The following PLCH1 variants were observed in gnomAD, a reference collection of about 807,000 sequenced individuals.
The protein encoded by PLCH1 is 1-phosphatidylinositol 4,5-bisphosphate phosphodiesterase eta-1.
Under a neutral mutation model 126.7 loss-of-function variants are expected in PLCH1, and 60 were observed. That is an observed-to-expected ratio of 0.47 (90% CI 0.38 to 0.59). The LOEUF is 0.59. PLCH1 is among the 20% of genes least tolerant of loss of function. PLCH1 has a pLI of 0.00. For synonymous variants in PLCH1, 719 were observed against 734.9 expected, an observed-to-expected ratio of 0.98 and a Z score of 0.35; for missense variants, 1,723 against 2,040.0, an observed-to-expected ratio of 0.84 and a Z score of 2.99.
At chr3:155,530,762 A>G (rs1474676373) in intron 10 of PLCH1, among the ~76,000 whole-genome samples, 1 of 152,206 alleles carries the variant, frequency 6.6e-6, no homozygotes, top group African/African-American at 2.4e-5. Context: ...AGAATGGTGA[A>G]TCCTTTCTAG....
intron 21 of PLCH1, among the ~76,000 whole-genome samples, chr3:155,469,597 A>G (rs368285260): frequency 1.3e-5 from 2 of 150,644 alleles, no homozygotes; most frequent in African/African-American, 2.4e-5. Flanking sequence ...GCCTGCCTGC[A>G]TCTGTAGGCT....
At chr3:155,475,752 G>A (rs542700283), downstream of PLCH1, among the ~76,000 whole-genome samples, 4 of 152,082 alleles carry the variant, frequency 2.6e-5, no homozygotes, top group African/African-American at 9.6e-5. Flanking sequence ...AACCTACCAA[G>A]ATTGAACCAG....
rs762747134 is a variant in PLCH1 at position 155,584,118 on chromosome 3, TA to T, written c.601-477del. Reference sequence around the variant, plus strand: ...AAAATTAAGCGAGGAAAATAAATTATAAACAAAAGCAAAAAGTAATAAAATA... The same window carrying T: ...AAAATTAAGCGAGGAAAATAAATTATAACAAAAGCAAAAAGTAATAAAATA... On this transcript the variant is annotated intron_variant, in intron 5 of 22. Coordinates refer to ENST00000460012, the MANE Select transcript of PLCH1 (RefSeq NM_014996.4). Among the ~76,000 whole-genome samples, 4 of 151,604 alleles carry T rather than the reference TA, an allele frequency of 2.6e-5. No homozygotes were observed. The East Asian group carries it at 5.8e-4, about 22-fold the overall frequency.
At chr3:155,524,795 T>C (rs1425450286) in intron 10 of PLCH1, among the ~76,000 whole-genome samples, 1 of 152,084 alleles carries the variant, frequency 6.6e-6, no homozygotes, top group African/African-American at 2.4e-5. Flanking sequence ...GATGGGAAGA[T>C]CACTTGACCC....
chr3:155,550,041 G>T, intron 9 of PLCH1, 83 bp from the exon 10 acceptor site: 1 of 946,084 alleles, frequency 1.1e-6, no homozygotes, highest in Non-Finnish European at 1.6e-6. Context: ...TATTCACTGT[G>T]TTGTTACAAT....
chr3:155,734,684 A>G (rs1477617884), intron 1 of PLCH1, among the ~76,000 whole-genome samples: 3 of 151,790 alleles, frequency 2.0e-5, no homozygotes, highest in Non-Finnish European at 4.4e-5. Context: ...ATATATATAT[A>G]CACACAGTAG....
intron 1 of PLCH1, among the ~76,000 whole-genome samples, chr3:155,716,494 G>A (rs1219126310): frequency 6.6e-6 from 1 of 152,182 alleles, no homozygotes; most frequent in African/African-American, 2.4e-5. Flanking sequence ...CACCAGATCT[G>A]CTTCTGGGTA....
At position 155,500,765 on chromosome 3, in the gene PLCH1, G is replaced by A; in HGVS notation, c.1734C>T (p.Tyr578=). The change falls in exon 14 of 23, where the codon TAC becomes TAT. Residue 578 remains tyrosine, a synonymous_variant. Coordinates refer to ENST00000460012, the MANE Select transcript of PLCH1 (RefSeq NM_014996.4). ...GTGTGTCTTCCTCATCATCAGTACT[G>A]TAAGATTTAGACCGTGATTTTGTAG... The part of the protein sequence containing the change: ...KKTTKSRSKS[Y]STDDEEDTQQ... 2 of 1,613,056 alleles carry A rather than the reference G, an allele frequency of 1.2e-6. No individual in the cohort carries two copies. Among genetic ancestry groups the A allele is most frequent in the African/African-American group, 1.3e-5 (1 of 75,022 alleles).
At chr3:155,594,349 T>G (rs1209312650) in intron 3 of PLCH1, among the ~76,000 whole-genome samples, 165 bp from the exon 4 acceptor site, 1 of 151,958 alleles carries the variant, frequency 6.6e-6, no homozygotes, top group East Asian at 1.9e-4. Flanking sequence ...GGTGGACAGA[T>G]TGCCTGAGCT....
intron 6 of PLCH1, among the ~76,000 whole-genome samples, chr3:155,575,511 C>G (rs1001542178): frequency 2.0e-5 from 3 of 152,134 alleles, no homozygotes; most frequent in Non-Finnish European, 4.4e-5. Flanking sequence ...GGAGATGGCC[C>G]TGTAGCAGGG....
intron 2 of PLCH1, among the ~76,000 whole-genome samples, chr3:155,626,434 C>G (rs1472895087): frequency 6.6e-6 from 1 of 152,116 alleles, no homozygotes; most frequent in African/African-American, 2.4e-5. Context: ...TAGAATTTCA[C>G]ACTTCCTCTA....
rs750677187 is a variant in PLCH1, at chr3:155,482,168, C to G, written c.3858G>C (p.Lys1286Asn). The G allele has an allele frequency of 1.9e-6, 3 of 1,614,130 alleles. No individual in the cohort carries two copies. The Admixed American group carries it at 5.0e-5, about 27-fold the overall frequency. ...KTKPDDDLSS[K>N]AKTAALESNL... ...TGCTTTCTAAGGCCGCTGTCTTGGC[C>G]TTACTAGAAAGGTCATCATCTGGTT... Residue 1286 changes from lysine to asparagine, a missense_variant, in exon 23 of 23, where the codon AAG becomes AAC. Lys to Asn is a moderately conservative substitution (Grantham distance 94, BLOSUM62 0). Transcript: ENST00000460012.
intron 2 of PLCH1, among the ~76,000 whole-genome samples, chr3:155,622,533 A>G (rs768735949): frequency 1.1e-4 from 16 of 152,112 alleles, no homozygotes; most frequent in Non-Finnish European, 1.8e-4. Context: ...CATGCAAAAG[A>G]CACACATAGG....
At chr3:155,512,172 C>A (rs143795763) in intron 12 of PLCH1, among the ~76,000 whole-genome samples, 2 of 151,936 alleles carry the variant, frequency 1.3e-5, no homozygotes, top group Non-Finnish European at 2.9e-5. Flanking sequence ...TGACCCCTTG[C>A]GCTTCCCAGG....
intron 1 of PLCH1, among the ~76,000 whole-genome samples, chr3:155,714,280 A>C (rs1747351108): frequency 7.1e-6 from 1 of 141,830 alleles, no homozygotes; most frequent in Non-Finnish European, 1.6e-5. Flanking sequence ...TACACAGGGC[A>C]GGGATGGGGT....
chr3:155,683,369 A>G (rs1309848507), intron 2 of PLCH1, among the ~76,000 whole-genome samples: 2 of 152,200 alleles, frequency 1.3e-5, no homozygotes, highest in Admixed American at 1.3e-4. Context: ...GAAGATGTCA[A>G]TATAATTGAA....
intron 11 of PLCH1, among the ~76,000 whole-genome samples, chr3:155,519,272 A>G (rs927655326): frequency 6.6e-6 from 1 of 152,138 alleles, no homozygotes; most frequent in Non-Finnish European, 1.5e-5. Context: ...CTCTGGGCCA[A>G]TGGGTGAGAA....
rs181606466 is a variant in PLCH1, at chr3:155,488,896, A to G, written c.2393-90T>C. The G allele has an allele frequency of 3.6e-6, 4 of 1,121,776 alleles. No individual in the cohort carries two copies. The Admixed American group carries it at 9.7e-5, about 27-fold the overall frequency. The allele number at this position is 1,121,776 out of a possible 1,614,324, so 69.5% of individuals were successfully genotyped here. ...AACATCTGCAAAGCAGACGGTGAAA[A>G]TTGCTTGCAATGGTTATTAAACTCA... On this transcript the variant is annotated intron_variant, in intron 19 of 22. Transcript: ENST00000460012.
intron 2 of PLCH1, among the ~76,000 whole-genome samples, chr3:155,686,539 A>G (rs1451650430): frequency 1.3e-5 from 2 of 152,146 alleles, no homozygotes; most frequent in African/African-American, 2.4e-5. Context: ...CATGGTAGGT[A>G]CCTCACAATG....
Sources: gnomAD v4.1 joint callset for allele counts (sites outside exome capture counted in the v4.1 genomes callset) on GRCh38, gnomAD v4.1.1 for gene constraint, MANE v1.5 for transcripts, NCBI Gene and HGNC (gene_info 2026-07-23, HGNC 2026-07-21) for gene names.